KCNH8: variants seen among roughly 807,000 people sequenced by gnomAD.
The protein encoded by KCNH8 is voltage-gated delayed rectifier potassium channel KCNH8.
Under a neutral mutation model 103.6 loss-of-function variants are expected in KCNH8, and 70 were observed. The ratio of observed to expected loss-of-function variants is 0.68; its 90% CI spans 0.56 to 0.82. KCNH8 has a LOEUF of 0.82. Among genes scored for constraint, KCNH8 ranks in the 40% least tolerant of loss-of-function variants. The probability of loss-of-function intolerance (pLI) is 0.00; values close to 1 mark genes in which losing one functional copy is unlikely to be tolerated. For synonymous variants in KCNH8, 498 were observed against 489.4 expected, an observed-to-expected ratio of 1.02 and a Z score of -0.23; for missense variants, 1,217 against 1,329.9, an observed-to-expected ratio of 0.92 and a Z score of 1.32.
chr3:19,444,847 G>T (rs1269780714), intron 8 of KCNH8, among the ~76,000 whole-genome samples: 1 of 151,942 alleles, frequency 6.6e-6, no homozygotes, highest in Non-Finnish European at 1.5e-5. Context: ...AACCCTAAGT[G>T]TTTGAGAGGA....
chr3:19,161,950 G>A lies in KCNH8; in HGVS notation c.76+13155G>A, dbSNP rs527358892. On this transcript the variant is annotated intron_variant, in intron 1 of 15. Coordinates refer to ENST00000328405, the MANE Select transcript of KCNH8 (RefSeq NM_144633.3). Reference sequence around the variant, plus strand: ...GAAAAACTATTTGGCATGATACTACGTGGTTTCTTTTTTTTAATGCCTGTT... The same window carrying A: ...GAAAAACTATTTGGCATGATACTACATGGTTTCTTTTTTTTAATGCCTGTT... Among the ~76,000 whole-genome samples, 4 of 152,128 alleles carry A rather than the reference G, an allele frequency of 2.6e-5. 1 individual carries two copies. Among genetic ancestry groups the A allele is most frequent in the African/African-American group, 7.2e-5 (3 of 41,506 alleles).
rs1491504046 is a variant in KCNH8, at chr3:19,419,194, G to GTTTTTTTTTT, written c.1178-18970_1178-18969insTTTTTTTTTT. 4.8e-4 allele frequency among the ~76,000 whole-genome samples: 31 copies of GTTTTTTTTTT among 64,118 alleles called. 4 individuals are homozygous for GTTTTTTTTTT. Among genetic ancestry groups the GTTTTTTTTTT allele is most frequent in the African/African-American group, 1.3e-3 (19 of 14,076 alleles). 42.1% of individuals were successfully genotyped at this position (64,118 alleles called of 152,430 possible). A position where few individuals can be genotyped will look rare whatever the true frequency, so the allele number is the denominator to read the frequency against. On this transcript the variant is annotated intron_variant, in intron 7 of 15. Coordinates refer to ENST00000328405, the MANE Select transcript of KCNH8 (RefSeq NM_144633.3). ...AAAAAGAAGTAATTAAAATGGTTTT[G>GTTTTTTTTTT]GTTTTTTTTTTTTTTTTTTTTTTGA...
In KCNH8 at chr3:19,460,978, C is replaced by T. The variant is rs1315309138; in HGVS notation, c.2040+3996C>T. On this transcript the variant is annotated intron_variant, in intron 11 of 15. Transcript: ENST00000328405. ...GTTTTCTGAGACCTCCCCAGCCATG[C>T]TGAACTGTGACTTAATTAAACTTAA... 2.0e-5 allele frequency among the ~76,000 whole-genome samples: 3 copies of T among 152,306 alleles called. No individual in the cohort carries two copies. The East Asian group carries it at 5.8e-4, about 29-fold the overall frequency.
chr3:19,372,927 A>T (rs1332464111), intron 5 of KCNH8, among the ~76,000 whole-genome samples: 2 of 151,942 alleles, frequency 1.3e-5, no homozygotes, highest in Non-Finnish European at 2.9e-5. Context: ...TGATTTGCGT[A>T]TATTGAACCA....
Position 19,451,403 on chromosome 3 carries a change from T to C in KCNH8, c.1824T>C (p.Leu608=). The change falls in exon 10 of 16, where the codon CTT becomes CTC. Residue 608 remains leucine, a splice_region_variant and synonymous_variant. Coordinates refer to ENST00000328405, the MANE Select transcript of KCNH8 (RefSeq NM_144633.3). ...VLKDSMVLAI[L]GKGDLIGANL... is the part of the protein sequence containing the mutation. ...AAGACAGCATGGTGCTGGCTATTCT[T>C]GGTAGGTCTGAATTGAAAAACTTGT... The C allele has an allele frequency of 6.2e-7, 1 of 1,613,186 alleles. No homozygotes were observed. Among genetic ancestry groups the C allele is most frequent in the South Asian group, 1.1e-5 (1 of 91,010 alleles).
At chr3:19,154,519 C>G (rs1559399720) in intron 1 of KCNH8, among the ~76,000 whole-genome samples, 1 of 152,226 alleles carries the variant, frequency 6.6e-6, no homozygotes, top group Admixed American at 6.5e-5. Flanking sequence ...CTAAAGCACA[C>G]TACAGTAGAT....
intron 5 of KCNH8, among the ~76,000 whole-genome samples, chr3:19,355,361 G>A (rs1314113273): frequency 6.6e-6 from 1 of 152,172 alleles, no homozygotes; most frequent in African/African-American, 2.4e-5. Context: ...AATACCATTT[G>A]ACCCAGCCAT....
intron 7 of KCNH8, among the ~76,000 whole-genome samples, chr3:19,431,981 C>T (rs536527611): frequency 1.3e-4 from 19 of 151,344 alleles, no homozygotes; most frequent in Admixed American, 4.6e-4. Context: ...AAGGGTTTTT[C>T]GTGTCTCTAC....
chr3:19,532,734 A>G (rs1186312306), intron 15 of KCNH8, among the ~76,000 whole-genome samples: 1 of 152,192 alleles, frequency 6.6e-6, no homozygotes, highest in African/African-American at 2.4e-5. Context: ...ATGGATCTGT[A>G]TCTCTCATTC....
Position 19,253,823 on chromosome 3 carries a change from A to T in KCNH8, c.246A>T (p.Gln82His), listed in dbSNP as rs368719351. 6.2e-7 allele frequency: 1 copy of T among 1,613,910 alleles called. No individual in the cohort carries two copies. Among genetic ancestry groups the T allele is most frequent in the East Asian group, 2.2e-5 (1 of 44,854 alleles). Residue 82 changes from glutamine to histidine, a missense_variant, in exon 2 of 16, where the codon CAA (glutamine) becomes CAT (histidine). Around this residue, in one of 3 missense-constraint regions of KCNH8, gnomAD observed 244 missense variants for 256.8 expected, o/e 0.95. Coordinates refer to ENST00000328405, the MANE Select transcript of KCNH8 (RefSeq NM_144633.3). ...AAACCAATGAGCAACTGATGCTTCA[A>T]ATAGAAAAGTCACTGGAGGAGAAAA... ...GVETNEQLML[Q>H]IEKSLEEKTE...
chr3:19,340,463 C>T (rs907850772), intron 3 of KCNH8, among the ~76,000 whole-genome samples: 1 of 151,460 alleles, frequency 6.6e-6, no homozygotes, highest in Non-Finnish European at 1.5e-5. Context: ...CACCCACTAA[C>T]GTGTCATCTA....
intron 11 of KCNH8, among the ~76,000 whole-genome samples, chr3:19,486,359 C>T (rs1037958272): frequency 5.3e-5 from 8 of 152,322 alleles, no homozygotes; most frequent in African/African-American, 1.2e-4. Flanking sequence ...ATTTGTTAGC[C>T]AATGATGTCC....
At chr3:19,414,500 C>T (rs1365148953) in intron 7 of KCNH8, among the ~76,000 whole-genome samples, 1 of 151,802 alleles carries the variant, frequency 6.6e-6, no homozygotes, top group Non-Finnish European at 1.5e-5. Context: ...GCATAGGAAA[C>T]AGCTCAGGTT....
chr3:19,350,650 C>T (rs976572725), intron 5 of KCNH8, among the ~76,000 whole-genome samples: 5 of 152,122 alleles, frequency 3.3e-5, no homozygotes, highest in African/African-American at 1.2e-4. Flanking sequence ...CTCCAACAGA[C>T]CTGCAGCTGA....
chr3:19,497,244 T>C (rs1469038517), intron 11 of KCNH8, among the ~76,000 whole-genome samples: 1 of 152,198 alleles, frequency 6.6e-6, no homozygotes, highest in Non-Finnish European at 1.5e-5. Flanking sequence ...CTTAATATCC[T>C]TCAGTTTAGC....
At chr3:19,480,245 C>T (rs1402615750) in intron 11 of KCNH8, among the ~76,000 whole-genome samples, 1 of 152,200 alleles carries the variant, frequency 6.6e-6, no homozygotes, top group Non-Finnish European at 1.5e-5. Flanking sequence ...CAGTAGTCAA[C>T]TCCCTGGTGG....
intron 10 of KCNH8, among the ~76,000 whole-genome samples, chr3:19,454,090 T>C (rs1270464068): frequency 3.3e-5 from 5 of 151,976 alleles, no homozygotes; most frequent in Non-Finnish European, 1.5e-5. Context: ...CATTTCTTTA[T>C]CAATATTAAA....
At chr3:19,425,727 G>A (rs145904308) in intron 7 of KCNH8, among the ~76,000 whole-genome samples, 62 of 152,140 alleles carry the variant, frequency 4.1e-4, no homozygotes, top group African/African-American at 1.5e-3. Context: ...CAAAACGAAC[G>A]AAGAAAAAAC....
chr3:19,434,034 CATAAG>C (rs1372178094), intron 7 of KCNH8, among the ~76,000 whole-genome samples: 1 of 152,110 alleles, frequency 6.6e-6, no homozygotes, highest in African/African-American at 2.4e-5. Flanking sequence ...TGCTTGATAA[CATAAG>C]ATATCACCAC....
Sources: allele counts gnomAD v4.1 joint callset (sites outside exome capture counted in the v4.1 genomes callset), GRCh38; gene constraint gnomAD v4.1.1; regional missense constraint gnomAD v4.1.1; transcripts MANE v1.5; gene names NCBI Gene and HGNC (gene_info 2026-07-23, HGNC 2026-07-21).